The following AHNAK variants were observed in gnomAD, a reference collection of about 807,000 sequenced individuals.
AHNAK encodes AHNAK nucleoprotein, also known as neuroblast differentiation-associated protein AHNAK.
AHNAK carries 23 observed loss-of-function variants against 37.8 expected under a neutral mutation model. That is an observed-to-expected ratio of 0.61 (90% CI 0.44 to 0.86). The LOEUF (loss-of-function observed/expected upper bound fraction) is 0.86, where lower values mean the gene tolerates loss of function less well. AHNAK is among the 40% of genes least tolerant of loss of function. The pLI is 0.00. For missense variants in AHNAK, 7,411 were observed against 7,319.4 expected (o/e 1.01, Z -0.46); for synonymous variants, 2,481 against 2,636.3 (o/e 0.94, Z 1.80).
intron 5 of AHNAK, among the ~76,000 whole-genome samples, chr11:62,444,311 A>T (rs1590584253): frequency 6.6e-6 from 1 of 152,140 alleles, no homozygotes; most frequent in South Asian, 2.1e-4. Flanking sequence ...AGAATCAAAC[A>T]CCACCGGCCC....
chr11:62,447,133 C>T (rs113324159), intron 5 of AHNAK, among the ~76,000 whole-genome samples: 74 of 152,252 alleles, frequency 4.9e-4, no homozygotes, highest in African/African-American at 1.7e-3. Context: ...CCATCCCACT[C>T]GACCTCCCTG....
rs201953125 is a variant in AHNAK at position 62,527,424 on chromosome 11, A to G, written c.6993T>C (p.Asp2331=). 604 of 1,614,016 alleles carry G rather than the reference A, an allele frequency of 3.7e-4. No individual in the cohort carries two copies. The highest frequency in any genetic ancestry group is 4.7e-4 in the Non-Finnish European group (557 of 1,180,024). ...LKGPKIKGDV[D]VSAPKLEGEL... is the part of the protein sequence containing the mutation. The stretch of plus-strand genomic sequence containing the variant: ...CTCCCTCCAGCTTTGGGGCAGAAAC[A>G]TCAACATCTCCTTTGATTTTGGGTC... Residue 2331 remains aspartate (D), a synonymous_variant, in exon 5 of 5, where the codon GAT becomes GAC. Transcript: ENST00000378024.
At position 62,480,827 on chromosome 11, in the gene AHNAK, A is replaced by AAAAAAAAG. The variant is rs139354282; in HGVS notation, c.442+10904_442+10905insCTTTTTTT. The stretch of plus-strand genomic sequence containing the variant: ...TTAAAAAAAAAAAAAAAAAAAAAAA[A>AAAAAAAAG]CCTGGATTTGCTGCCTTCTGGTCTG... On this transcript the variant is annotated intron_variant, in intron 5 of 5. Transcript: ENST00000257247. Among the ~76,000 whole-genome samples, 4 of 120,886 alleles carry AAAAAAAAG rather than the reference A, an allele frequency of 3.3e-5. 1 individual carries two copies. Among genetic ancestry groups the AAAAAAAAG allele is most frequent in the Non-Finnish European group, 5.2e-5 (3 of 57,892 alleles). The allele number at this position is 120,886 out of a possible 152,430, so 79.3% of individuals were successfully genotyped here. A position where few individuals can be genotyped will look rare whatever the true frequency, so the allele number is the denominator to read the frequency against.
intron 5 of AHNAK, among the ~76,000 whole-genome samples, chr11:62,462,179 C>T (rs1467500042): frequency 1.3e-5 from 2 of 152,164 alleles, no homozygotes; most frequent in African/African-American, 4.8e-5. Flanking sequence ...ACCTTCCCAA[C>T]TTTCCCTCTC....
At chr11:62,465,637 A>C (rs568988903) in intron 5 of AHNAK, among the ~76,000 whole-genome samples, 61 of 151,940 alleles carry the variant, frequency 4.0e-4, no homozygotes, top group African/African-American at 1.4e-3. Context: ...AATAAATAAA[A>C]ATTAAAATTA....
At chr11:62,458,411 A>G (rs1464623965) in intron 5 of AHNAK, among the ~76,000 whole-genome samples, 2 of 152,062 alleles carry the variant, frequency 1.3e-5, no homozygotes, top group South Asian at 4.1e-4. Flanking sequence ...TACAGTACAG[A>G]GTGCACCACG....
At position 62,531,677 on chromosome 11, in the gene AHNAK, C is replaced by G. The variant is rs1354733091; in HGVS notation, c.2740G>C (p.Gly914Arg). Residue 914 changes from glycine to arginine, a missense_variant, in exon 5 of 5, where the codon GGT becomes CGT. Transcript: ENST00000378024. ...ATATTCACATCTGGAACTTCAACAC[C>G]CACCTTGGGTCCTGAGATGTCCACA... ...ADVDISGPKV[G>R]VEVPDVNIEG... 5 of 1,613,932 alleles carry G rather than the reference C, an allele frequency of 3.1e-6. No individual in the cohort carries two copies.
chr11:62,524,826 A>G lies in AHNAK; in HGVS notation c.9591T>C (p.Gly3197=), dbSNP rs200220546. The change falls in exon 5 of 5, where the codon GGT becomes GGC. Residue 3197 remains glycine, a synonymous_variant. Transcript: ENST00000378024. ...TAGGGCCCTTCAGTTTCGCATCTGG[A>G]CCTTCAATATTCACATCTGGAACAT... The part of the protein sequence containing the change: ...DVDVPDVNIE[G]PDAKLKGPKF... The G allele has an allele frequency of 6.2e-7, 1 of 1,613,948 alleles. No homozygotes were observed. The highest frequency in any genetic ancestry group is 2.2e-5 in the East Asian group (1 of 44,856).
Position 62,520,098 on chromosome 11 carries a change from G to C in AHNAK, c.14319C>G (p.Gly4773=). The change falls in exon 5 of 5, where the codon GGC becomes GGG. Residue 4773 remains glycine (G), a synonymous_variant. Transcript: ENST00000378024. ...DINTPDVDVH[G]PDWHLKMPKV... ...TGGGCATCTTCAGGTGCCAGTCTGG[G>C]CCATGAACATCCACATCAGGGGTGT... 1 of 1,612,736 alleles carries C rather than the reference G, an allele frequency of 6.2e-7. No individual in the cohort carries two copies. Among genetic ancestry groups the C allele is most frequent in the Non-Finnish European group, 8.5e-7 (1 of 1,179,748 alleles).
Position 62,532,393 on chromosome 11 carries a change from C to T in AHNAK, c.2024G>A (p.Gly675Asp), listed in dbSNP as rs1203306597. Residue 675 changes from glycine (G) to aspartate (D), a missense_variant, in exon 5 of 5, where the codon GGT becomes GAT. Physicochemically the swap from Gly to Asp is moderately conservative, Grantham distance 94. Coordinates refer to ENST00000378024, the MANE Select transcript of AHNAK (RefSeq NM_001620.3). ...GGGGCCTTTAAGTTTTCCCCCCAGA[C>T]CCTCCAAGTTGACATCTGGGGCTTC... The part of the protein sequence containing the change: ...NVEAPDVNLE[G>D]LGGKLKGPDV... The T allele has an allele frequency of 6.2e-7, 1 of 1,614,134 alleles. No individual in the cohort carries two copies.
rs1940729115 is a variant in AHNAK at position 62,531,127 on chromosome 11, T to C, written c.3290A>G (p.Gln1097Arg). 1 of 1,614,198 alleles carries C rather than the reference T, an allele frequency of 6.2e-7. No individual in the cohort carries two copies. Among genetic ancestry groups the C allele is most frequent in the South Asian group, 1.1e-5 (1 of 91,088 alleles). Residue 1097 changes from glutamine (Q) to arginine (R), a missense_variant, in exon 5 of 5, where the codon CAG (glutamine) becomes CGG (arginine). By Grantham distance (43) the Gln-to-Arg change is conservative. Transcript: ENST00000378024. ...ISAPKIEGEM[Q>R]VPDVDIRGPK... ...ACCTCTGATGTCCACATCTGGAACC[T>C]GCATTTCACCCTCTATCTTTGGTGC...
At chr11:62,536,172 T>C in intron 2 of AHNAK, 74 bp from the exon 3 acceptor site, 1 of 1,464,318 alleles carries the variant, frequency 6.8e-7, no homozygotes, top group Non-Finnish European at 9.1e-7. Context: ...AAGCTAGCAA[T>C]CTCTGGCGCT....
intron 5 of AHNAK, among the ~76,000 whole-genome samples, chr11:62,462,367 G>C (rs1276605076): frequency 1.3e-5 from 2 of 152,162 alleles, no homozygotes; most frequent in Non-Finnish European, 2.9e-5. Context: ...GTCTCTATTT[G>C]TGAAAGCTAC....
intron 5 of AHNAK, among the ~76,000 whole-genome samples, chr11:62,459,036 GC>G (rs1938727980): frequency 6.6e-6 from 1 of 152,120 alleles, no homozygotes; most frequent in South Asian, 2.1e-4. Flanking sequence ...CTCTTGGGGT[GC>G]TAAAAGCAGG....
Position 62,528,089 on chromosome 11 carries a change from T to C in AHNAK, c.6328A>G (p.Met2110Val). ...LKGPKLKMPE[M>V]HFKAPKISMP... The stretch of plus-strand genomic sequence containing the variant: ...GAGATCTTGGGGGCCTTGAAGTGCA[T>C]CTCAGGCATCTTAAGCTTGGGGCCC... The change falls in exon 5 of 5, where the codon ATG becomes GTG. Residue 2110 changes from methionine (M) to valine (V), a missense_variant. Met to Val is a conservative substitution (Grantham distance 21). Transcript: ENST00000378024. 6.2e-7 allele frequency: 1 copy of C among 1,612,626 alleles called. No homozygotes were observed.
chr11:62,542,541 G>A (rs1461318990), intron 1 of AHNAK, among the ~76,000 whole-genome samples: 7 of 151,362 alleles, frequency 4.6e-5, no homozygotes, highest in Admixed American at 1.3e-4. Context: ...CTGCTGTGAC[G>A]CCTTTCTCCA....
rs1940647658 is a variant in AHNAK, at chr11:62,529,622, C to T, written c.4795G>A (p.Val1599Ile). The change falls in exon 5 of 5, where the codon GTT becomes ATT. Residue 1599 changes from valine to isoleucine, a missense_variant. Transcript: ENST00000378024. ...KAPKLKTDVDVSLPKVEGDLK... is the reference protein window; with the variant it reads ...KAPKLKTDVDISLPKVEGDLK... ...TCTCCTTCCACTTTGGGAAGGGAAA[C>T]ATCTACATCAGTTTTCAGTTTAGGG... is the stretch of plus-strand genomic sequence containing the variant. 1 of 1,614,188 alleles carries T rather than the reference C, an allele frequency of 6.2e-7. No individual in the cohort carries two copies.
At chr11:62,455,495 C>G (rs975460970) in intron 5 of AHNAK, among the ~76,000 whole-genome samples, 1 of 151,828 alleles carries the variant, frequency 6.6e-6, no homozygotes, top group African/African-American at 2.4e-5. Flanking sequence ...CTCCTGAGGT[C>G]GGCAGTTTGA....
intron 5 of AHNAK, among the ~76,000 whole-genome samples, chr11:62,484,725 C>T (rs1451143507): frequency 6.6e-6 from 1 of 152,108 alleles, no homozygotes. Context: ...GATGGGGAGC[C>T]ACGGAAGGTC....
Sources: gnomAD v4.1 joint callset for allele counts (sites outside exome capture counted in the v4.1 genomes callset) on GRCh38, gnomAD v4.1.1 for gene constraint, MANE v1.5 for transcripts, NCBI Gene and HGNC (gene_info 2026-07-23, HGNC 2026-07-21) for gene names.